RELL1: variants seen among roughly 807,000 people sequenced by gnomAD.
The protein encoded by RELL1 is RELT-like protein 1.
Under a neutral mutation model 23.0 loss-of-function variants are expected in RELL1, and 10 were observed. The ratio of observed to expected loss-of-function variants is 0.43; its 90% CI spans 0.27 to 0.74. The LOEUF is 0.74. Among genes scored for constraint, RELL1 ranks in the 30% least tolerant of loss-of-function variants. The probability of loss-of-function intolerance (pLI) is 0.19; values close to 1 mark genes in which losing one functional copy is unlikely to be tolerated. For missense variants in RELL1, 315 were observed against 364.4 expected, an observed-to-expected ratio of 0.86 and a Z score of 1.10; for synonymous variants, 146 against 146.8, an observed-to-expected ratio of 0.99 and a Z score of 0.04.
downstream of RELL1, among the ~76,000 whole-genome samples, chr4:37,606,008 AGGAG>A (rs1463573816): frequency 6.8e-6 from 1 of 146,122 alleles, no homozygotes; most frequent in Admixed American, 6.9e-5. This position sits in a 1 kb window ranked among gnomAD's most constrained non-coding sequence, Gnocchi z 4.1. Flanking sequence ...GGTAGAAGAA[AGGAG>A]GAAGAGAAAG....
chr4:37,669,060 GGTC>G, intron 1 of RELL1, among the ~76,000 whole-genome samples: 1 of 124,408 alleles, frequency 8.0e-6, no homozygotes, highest in Non-Finnish European at 1.6e-5. Flanking sequence ...GAGGTGGGGG[GGTC>G]AGCCCCCCGC....
At chr4:37,631,928 A>T (rs1720150083) in intron 5 of RELL1, among the ~76,000 whole-genome samples, 1 of 151,568 alleles carries the variant, frequency 6.6e-6, no homozygotes, top group African/African-American at 2.4e-5. Context: ...AAATTACAAA[A>T]ATTAGCCAGG....
At chr4:37,616,118 TAAC>T (rs1719566311) in intron 6 of RELL1, among the ~76,000 whole-genome samples, 1 of 152,220 alleles carries the variant, frequency 6.6e-6, no homozygotes, top group Non-Finnish European at 1.5e-5. Context: ...TGATTAATAA[TAAC>T]AGCACTGGCA....
rs144558993 is a variant in RELL1 at position 37,646,254 on chromosome 4, C to T, written c.385+1114G>A. ...AATAACCAGTGCTCAGAACAATAAC[C>T]GTAAAGTTTCTTTACTCAAGATTAA... is the stretch of plus-strand genomic sequence containing the variant. On this transcript the variant is annotated intron_variant, in intron 3 of 6. Transcript: ENST00000454158. 4.0e-3 allele frequency among the ~76,000 whole-genome samples: 606 copies of T among 152,242 alleles called. 10 individuals carry two copies. The highest frequency in any genetic ancestry group is 0.014 in the African/African-American group (565 of 41,530).
intron 1 of RELL1, among the ~76,000 whole-genome samples, chr4:37,676,851 T>G (rs907648171): frequency 3.9e-5 from 6 of 152,182 alleles, no homozygotes; most frequent in African/African-American, 1.2e-4. Flanking sequence ...CCTTCCCTCA[T>G]TTAAATATTT....
chr4:37,641,123 C>T (rs1010574705), intron 3 of RELL1, among the ~76,000 whole-genome samples: 2 of 152,076 alleles, frequency 1.3e-5, no homozygotes, highest in Non-Finnish European at 1.5e-5. Context: ...GTGTGTTTCT[C>T]GGTTATTCAT....
At position 37,591,252 on chromosome 4, in the gene RELL1, T is replaced by C. The variant is rs1718596558; in HGVS notation, c.*4-35A>G. 4 of 380,262 alleles carry C rather than the reference T, an allele frequency of 1.1e-5. No homozygotes were observed. In the South Asian group the frequency reaches 2.2e-4, roughly 21 times the overall value. The allele number at this position is 380,262 out of a possible 1,614,324, so 23.6% of individuals were successfully genotyped here. ...AAATCTGAGTGGGTCATTGTGCCCA[T>C]ATCCACAGAAAATGCAGAAGTTGAA... On this transcript the variant is annotated intron_variant, in intron 6 of 6. Transcript: ENST00000314117.
At chr4:37,682,745 AAG>A (rs1722264493) in intron 1 of RELL1, among the ~76,000 whole-genome samples, 1 of 152,228 alleles carries the variant, frequency 6.6e-6, no homozygotes, top group African/African-American at 2.4e-5. Context: ...CTACCTGGCT[AAG>A]AGAGACCCCA....
At chr4:37,607,555 T>C (rs112421504), downstream of RELL1, among the ~76,000 whole-genome samples, 35 of 150,746 alleles carry the variant, frequency 2.3e-4, 2 homozygotes, top group African/African-American at 8.5e-4. Context: ...GTCGAGAAGG[T>C]CCATCAGCAC....
chr4:37,596,736 ATTTTTTTTTTTTTT>A (rs1178565372), intron 6 of RELL1, among the ~76,000 whole-genome samples: 1 of 16,494 alleles, frequency 6.1e-5, no homozygotes, highest in African/African-American at 1.3e-4. Context: ...ATATATATAT[ATTTTTTTTTTTTTT>A]TTTTTTTTTT....
At chr4:37,602,348 C>G (rs564495682) in intron 6 of RELL1, among the ~76,000 whole-genome samples, 1 of 149,018 alleles carries the variant, frequency 6.7e-6, no homozygotes, top group South Asian at 2.1e-4. Flanking sequence ...TAGCCCACAG[C>G]TTTAGCCACC....
At chr4:37,649,129 T>TACTGCACAATCTGCACTTACACTAC (rs1170183926) in intron 2 of RELL1, 147 bp downstream of exon 2, 1 of 714,406 alleles carries the variant, frequency 1.4e-6, no homozygotes, top group African/African-American at 1.8e-5. Context: ...TAGGTGTGAT[T>TACTGCACAATCTGCACTTACACTAC]ACTGCACAAT....
intron 2 of RELL1, among the ~76,000 whole-genome samples, chr4:37,648,789 G>A (rs902854719): frequency 9.2e-5 from 14 of 152,068 alleles, no homozygotes; most frequent in African/African-American, 2.7e-4. Flanking sequence ...CACAAACATG[G>A]GGAGACCTAT....
chr4:37,644,541 T>G (rs970830638), intron 3 of RELL1, among the ~76,000 whole-genome samples: 1 of 151,760 alleles, frequency 6.6e-6, no homozygotes, highest in Non-Finnish European at 1.5e-5. Context: ...CTTGGCTCAC[T>G]GCAGCCTCTG....
rs140151498 is a variant in RELL1, at chr4:37,648,057, C to T, written c.314-618G>A. On this transcript the variant is annotated intron_variant, in intron 2 of 6. Transcript: ENST00000454158. ...TCTGCAAAATTTGTTTCAATAAGAA[C>T]GAGGAAGGGTTGAAACGCTCCATCC... Among the ~76,000 whole-genome samples, 381 of 152,244 alleles carry T rather than the reference C, an allele frequency of 2.5e-3. 6 individuals carry two copies. The highest frequency in any genetic ancestry group is 8.5e-3 in the African/African-American group (352 of 41,554).
At chr4:37,662,858 G>A (rs1349795662) in intron 1 of RELL1, among the ~76,000 whole-genome samples, 3 of 151,948 alleles carry the variant, frequency 2.0e-5, no homozygotes, top group African/African-American at 7.3e-5. Context: ...AGAGGCCAAG[G>A]ACCTCAACTT....
At chr4:37,601,613 G>C (rs772054950) in intron 6 of RELL1, among the ~76,000 whole-genome samples, 1 of 152,188 alleles carries the variant, frequency 6.6e-6, no homozygotes, top group Non-Finnish European at 1.5e-5. Context: ...AAAGGAAAAG[G>C]GTTTGCAAAA....
At chr4:37,632,710 TG>T (rs1720185640) in intron 5 of RELL1, among the ~76,000 whole-genome samples, 1 of 151,106 alleles carries the variant, frequency 6.6e-6, no homozygotes, top group African/African-American at 2.4e-5. Flanking sequence ...TTAAAAAAAA[TG>T]GGTTAATTTT....
chr4:37,654,413 G>A (rs1242906815), intron 1 of RELL1, among the ~76,000 whole-genome samples: 1 of 152,212 alleles, frequency 6.6e-6, no homozygotes, highest in Admixed American at 6.5e-5. Flanking sequence ...GAAAGATGCA[G>A]AGTGGAGAAT....
Sources: allele counts gnomAD v4.1 joint callset (sites outside exome capture counted in the v4.1 genomes callset), GRCh38; gene constraint gnomAD v4.1.1; non-coding constraint Gnocchi (gnomAD v3.1); transcripts MANE v1.5; gene names NCBI Gene and HGNC (gene_info 2026-07-23, HGNC 2026-07-21).